The following EPHA3 variants were observed in gnomAD, a reference collection of about 807,000 sequenced individuals.
The protein encoded by EPHA3 is EPH receptor A3.
Under a neutral mutation model 107.1 loss-of-function variants are expected in EPHA3, and 42 were observed. That is an observed-to-expected ratio of 0.39 (90% CI 0.31 to 0.51). The LOEUF is 0.51. Ranked by LOEUF, EPHA3 falls within the 20% of genes least tolerant of loss-of-function variation. The pLI is 0.78. For missense variants in EPHA3, 1,183 were observed against 1,211.2 expected (o/e 0.98, Z 0.35); for synonymous variants, 461 against 424.8 (o/e 1.09, Z -1.05).
intron 3 of EPHA3, among the ~76,000 whole-genome samples, chr3:89,228,383 T>C (rs1704548670): frequency 6.6e-6 from 1 of 152,070 alleles, no homozygotes. Context: ...AATTTCCTGG[T>C]ATTCACATAC....
At position 89,341,801 on chromosome 3, in the gene EPHA3, C is replaced by G. The variant is rs1245820873; in HGVS notation, c.1017C>G (p.Thr339=). ...ATGTTATCTCTAATATAAACGAGACCTCAGTTATCCTGGACTGGAGTTGGC... is the reference window on the plus strand; with the variant it reads ...ATGTTATCTCTAATATAAACGAGACGTCAGTTATCCTGGACTGGAGTTGGC... The part of the protein sequence containing the change: ...PRNVISNINE[T]SVILDWSWPL... The change falls in exon 5 of 17, where the codon ACC becomes ACG. Residue 339 remains threonine (T), a synonymous_variant. Transcript: ENST00000336596. 2 of 1,613,828 alleles carry G rather than the reference C, an allele frequency of 1.2e-6. No homozygotes were observed. Among genetic ancestry groups the G allele is most frequent in the East Asian group, 2.2e-5 (1 of 44,858 alleles).
chr3:89,442,220 A>T (rs1229974159), intron 13 of EPHA3, among the ~76,000 whole-genome samples: 1 of 152,166 alleles, frequency 6.6e-6, no homozygotes, highest in African/African-American at 2.4e-5. Context: ...TCCAGAAGGG[A>T]TATTATTACA....
chr3:89,187,706 G>T, intron 2 of EPHA3, among the ~76,000 whole-genome samples: 1 of 152,086 alleles, frequency 6.6e-6, no homozygotes, highest in East Asian at 1.9e-4. Context: ...ATGTGCGAGA[G>T]TGTGTGTATG....
intron 3 of EPHA3, among the ~76,000 whole-genome samples, chr3:89,260,547 T>C (rs1266909812): frequency 6.6e-6 from 1 of 152,182 alleles, no homozygotes; most frequent in African/African-American, 2.4e-5. Context: ...TTTCTGCTAT[T>C]GAGTTGTAGG....
At chr3:89,416,984 A>G (rs2107525178) in intron 10 of EPHA3, among the ~76,000 whole-genome samples, 1 of 151,610 alleles carries the variant, frequency 6.6e-6, no homozygotes, top group East Asian at 1.9e-4. Context: ...TTTATAAAGC[A>G]CTTTCATATT....
intron 3 of EPHA3, among the ~76,000 whole-genome samples, chr3:89,284,009 G>C (rs1706012225): frequency 6.6e-6 from 1 of 151,818 alleles, no homozygotes; most frequent in South Asian, 2.1e-4. Flanking sequence ...AATTCCTACT[G>C]CCACACCATA....
chr3:89,272,214 C>A (rs1705686587), intron 3 of EPHA3, among the ~76,000 whole-genome samples: 1 of 151,736 alleles, frequency 6.6e-6, no homozygotes, highest in East Asian at 1.9e-4. Flanking sequence ...AATCAGTGAC[C>A]CTAATTCCTG....
chr3:89,173,280 C>T lies in EPHA3; in HGVS notation c.154-36580C>T, dbSNP rs150038989. Among the ~76,000 whole-genome samples the T allele has an allele frequency of 5.0e-3, 765 of 151,990 alleles. 8 individuals carry two copies. Among genetic ancestry groups the T allele is most frequent in the African/African-American group, 0.017 (716 of 41,496 alleles). ...TGTTTTTTGTCAGAGGTATTCTATA[C>T]GCATAAATTAAATGTCCAAATTTAA... On this transcript the variant is annotated intron_variant, in intron 2 of 16. Transcript: ENST00000336596.
intron 2 of EPHA3, among the ~76,000 whole-genome samples, chr3:89,179,651 A>G (rs1440350522): frequency 7.3e-6 from 1 of 136,128 alleles, no homozygotes; most frequent in East Asian, 2.1e-4. Context: ...AATGTTGCCA[A>G]TATTTTTAAA....
At chr3:89,128,359 G>A (rs1704136019) in intron 2 of EPHA3, among the ~76,000 whole-genome samples, 1 of 152,090 alleles carries the variant, frequency 6.6e-6, no homozygotes, top group Admixed American at 6.6e-5. Flanking sequence ...CTTTAGAGGA[G>A]AGAGTATGAA....
intron 3 of EPHA3, among the ~76,000 whole-genome samples, chr3:89,222,661 T>C (rs1235155478): frequency 6.6e-6 from 1 of 151,910 alleles, no homozygotes; most frequent in Non-Finnish European, 1.5e-5. Context: ...TTCTAAAAAA[T>C]TGAGAAGGGT....
intron 12 of EPHA3, among the ~76,000 whole-genome samples, chr3:89,430,875 T>C (rs1709552146): frequency 6.6e-6 from 1 of 152,192 alleles, no homozygotes; most frequent in Non-Finnish European, 1.5e-5. Context: ...AGTTAGTTTT[T>C]TTGTCACATA....
intron 5 of EPHA3, among the ~76,000 whole-genome samples, chr3:89,365,333 T>A (rs946618150): frequency 6.6e-6 from 1 of 150,704 alleles, no homozygotes; most frequent in African/African-American, 2.4e-5. Flanking sequence ...CAATGGTGGA[T>A]GGAATGGTGG....
At chr3:89,476,584 T>TA (rs1159502450) in intron 16 of EPHA3, among the ~76,000 whole-genome samples, 1 of 140,558 alleles carries the variant, frequency 7.1e-6, no homozygotes, top group African/African-American at 2.7e-5. Context: ...ACTATTATTA[T>TA]TTTTATTTAT....
At chr3:89,205,138 T>C (rs1275903487) in intron 2 of EPHA3, among the ~76,000 whole-genome samples, 4 of 152,218 alleles carry the variant, frequency 2.6e-5, no homozygotes, top group East Asian at 1.9e-4. Context: ...TATATTAGCT[T>C]GTGCACTAAA....
At chr3:89,136,395 G>A (rs1441164446) in intron 2 of EPHA3, among the ~76,000 whole-genome samples, 2 of 94,192 alleles carry the variant, frequency 2.1e-5, no homozygotes, top group Non-Finnish European at 1.9e-5. Context: ...AAAAAAAAAA[G>A]GGAAAACGTG....
chr3:89,236,934 T>A (rs1347859449), intron 3 of EPHA3, among the ~76,000 whole-genome samples: 1 of 152,226 alleles, frequency 6.6e-6, no homozygotes, highest in East Asian at 1.9e-4. Flanking sequence ...TTATCAAGTG[T>A]ACATTCTGCA....
chr3:89,428,494 T>A (rs557420455), intron 11 of EPHA3, among the ~76,000 whole-genome samples: 4 of 152,234 alleles, frequency 2.6e-5, no homozygotes, highest in South Asian at 2.1e-4. Flanking sequence ...TTAATTTCAG[T>A]TTTATTTTCC....
chr3:89,134,767 T>C (rs1704278263), intron 2 of EPHA3, among the ~76,000 whole-genome samples: 1 of 152,138 alleles, frequency 6.6e-6, no homozygotes, highest in South Asian at 2.1e-4. Context: ...TCATTAGCAG[T>C]TCCTGAGCCA....
Sources: gnomAD v4.1 joint callset for allele counts (sites outside exome capture counted in the v4.1 genomes callset) on GRCh38, gnomAD v4.1.1 for gene constraint, MANE v1.5 for transcripts, NCBI Gene and HGNC (gene_info 2026-07-23, HGNC 2026-07-21) for gene names.